The following RAB28 variants were observed in gnomAD, a reference collection of about 807,000 sequenced individuals.
RAB28 encodes the protein ras-related protein Rab-28.
In RAB28, 24 loss-of-function variants were observed where a neutral mutation model predicts 31.7. That is an observed-to-expected ratio of 0.76 (90% CI 0.55 to 1.06). RAB28 has a LOEUF of 1.06. Ranked by LOEUF, RAB28 falls within the 50% of genes least tolerant of loss-of-function variation. The probability of loss-of-function intolerance (pLI) is 0.00; values close to 1 mark genes in which losing one functional copy is unlikely to be tolerated. For missense variants in RAB28, 254 were observed against 258.5 expected (o/e 0.98, Z 0.12); for synonymous variants, 100 against 90.4 (o/e 1.11, Z -0.60).
chr4:13,400,882 A>G (rs182240791), intron 4 of RAB28, among the ~76,000 whole-genome samples: 135 of 152,312 alleles, frequency 8.9e-4, no homozygotes, highest in African/African-American at 3.0e-3. Context: ...ATAATTTCAA[A>G]TATTACACCA....
chr4:13,394,982 G>A (rs1020411930), intron 4 of RAB28, among the ~76,000 whole-genome samples: 2 of 152,032 alleles, frequency 1.3e-5, no homozygotes, highest in African/African-American at 4.8e-5. Flanking sequence ...AAAAACTGAG[G>A]TTTAGAATGA....
Position 13,370,738 on chromosome 4 carries a change from A to G in RAB28, c.574-2088T>C, listed in dbSNP as rs569503713. 23 of 985,192 alleles carry G rather than the reference A, an allele frequency of 2.3e-5. No homozygotes were observed. The African/African-American group carries it at 3.8e-4, about 16-fold the overall frequency. 61.0% of individuals were successfully genotyped at this position (985,192 alleles called of 1,614,324 possible). ...ACCTCCATACTTCCAAATTCCATAC[A>G]GAAACAAACAAGTTCAAAATGCAGT... is the stretch of plus-strand genomic sequence containing the variant. On this transcript the variant is annotated intron_variant, in intron 6 of 6. Transcript: ENST00000330852.
At chr4:13,374,217 T>C (rs1728833078) in intron 6 of RAB28, among the ~76,000 whole-genome samples, 1 of 152,010 alleles carries the variant, frequency 6.6e-6, no homozygotes, top group African/African-American at 2.4e-5. Flanking sequence ...TAAGAGTAAA[T>C]GCCACCAACA....
At chr4:13,467,923 AG>A (rs529346971) in intron 3 of RAB28, among the ~76,000 whole-genome samples, 42 of 151,972 alleles carry the variant, frequency 2.8e-4, no homozygotes, top group Non-Finnish European at 4.9e-4. Context: ...TTAATAGTAA[AG>A]GGATAGAAAA....
intron 4 of RAB28, among the ~76,000 whole-genome samples, chr4:13,443,145 T>C (rs1440347025): frequency 6.6e-6 from 1 of 152,106 alleles, no homozygotes; most frequent in African/African-American, 2.4e-5. Context: ...AAAATAAAAA[T>C]CTTAAAACAA....
intron 4 of RAB28, among the ~76,000 whole-genome samples, chr4:13,418,307 G>C (rs528067243): frequency 8.5e-5 from 13 of 152,142 alleles, no homozygotes; most frequent in Admixed American, 8.5e-4. Context: ...GGGGAGAATG[G>C]AACCAAGTTA....
At chr4:13,413,434 C>T (rs1310207919) in intron 4 of RAB28, among the ~76,000 whole-genome samples, 1 of 152,216 alleles carries the variant, frequency 6.6e-6, no homozygotes, top group African/African-American at 2.4e-5. Context: ...AAGAATATTT[C>T]TGCACATGCA....
intron 4 of RAB28, among the ~76,000 whole-genome samples, chr4:13,440,304 T>C (rs1439215237): frequency 2.0e-5 from 3 of 152,118 alleles, no homozygotes; most frequent in Non-Finnish European, 4.4e-5. Flanking sequence ...ATCAACTCAC[T>C]TTCACTCTTC....
chr4:13,475,099 CTA>C (rs1716295424), intron 2 of RAB28, among the ~76,000 whole-genome samples: 1 of 151,614 alleles, frequency 6.6e-6, no homozygotes, highest in African/African-American at 2.4e-5. Flanking sequence ...TTTAAACAAA[CTA>C]TGTATACTTC....
At chr4:13,471,087 A>T (rs1489303091) in intron 3 of RAB28, among the ~76,000 whole-genome samples, 3 of 152,134 alleles carry the variant, frequency 2.0e-5, no homozygotes, top group Non-Finnish European at 4.4e-5. Flanking sequence ...TAGAGAACCT[A>T]AAACAAAACC....
chr4:13,422,228 T>C (rs1190439324), intron 4 of RAB28, among the ~76,000 whole-genome samples: 1 of 151,856 alleles, frequency 6.6e-6, no homozygotes, highest in African/African-American at 2.4e-5. Flanking sequence ...GTTAGAATGG[T>C]GATCATTAAA....
intron 5 of RAB28, among the ~76,000 whole-genome samples, chr4:13,377,789 T>C (rs1406519422): frequency 1.3e-5 from 2 of 152,166 alleles, no homozygotes; most frequent in Non-Finnish European, 2.9e-5. Flanking sequence ...GTGGTAGAAG[T>C]GGACAAAGTA....
intron 3 of RAB28, among the ~76,000 whole-genome samples, chr4:13,462,492 C>G (rs1049451788): frequency 1.3e-5 from 2 of 152,116 alleles, no homozygotes; most frequent in African/African-American, 4.8e-5. Flanking sequence ...TTTTTAATAA[C>G]TGGCTCACAA....
intron 2 of RAB28, among the ~76,000 whole-genome samples, chr4:13,479,223 G>A (rs1716497133): frequency 6.6e-6 from 1 of 151,416 alleles, no homozygotes; most frequent in Non-Finnish European, 1.5e-5. Context: ...GGAAGGAGTG[G>A]GAGAGTATAT....
At chr4:13,440,091 AT>A (rs1277954090) in intron 4 of RAB28, among the ~76,000 whole-genome samples, 1 of 152,218 alleles carries the variant, frequency 6.6e-6, no homozygotes, top group Non-Finnish European at 1.5e-5. Flanking sequence ...GAAAAAAAGT[AT>A]CTAAATCAAA....
chr4:13,392,954 G>A (rs1729705609), intron 4 of RAB28, among the ~76,000 whole-genome samples: 2 of 152,062 alleles, frequency 1.3e-5, no homozygotes, highest in African/African-American at 4.8e-5. Context: ...TACACAAAAA[G>A]CAATGACTAG....
chr4:13,446,803 G>A (rs950864712), intron 4 of RAB28, among the ~76,000 whole-genome samples: 1 of 151,862 alleles, frequency 6.6e-6, no homozygotes, highest in African/African-American at 2.4e-5. Context: ...CGGTCATTTT[G>A]GCCCCTCCCT....
chr4:13,409,789 G>T (rs1712318843), intron 4 of RAB28, among the ~76,000 whole-genome samples: 1 of 152,080 alleles, frequency 6.6e-6, no homozygotes, highest in African/African-American at 2.4e-5. Context: ...AGAAATTTTG[G>T]AAACATATTT....
At chr4:13,391,904 G>T (rs540154099) in intron 4 of RAB28, among the ~76,000 whole-genome samples, 3 of 151,864 alleles carry the variant, frequency 2.0e-5, no homozygotes, top group African/African-American at 7.3e-5. Context: ...GGGGCCTGTC[G>T]GGAGGTGGGG....
Sources: gnomAD v4.1 joint callset for allele counts (sites outside exome capture counted in the v4.1 genomes callset) on GRCh38, gnomAD v4.1.1 for gene constraint, MANE v1.5 for transcripts, NCBI Gene and HGNC (gene_info 2026-07-23, HGNC 2026-07-21) for gene names.